The following P2RX7 variants were observed in gnomAD, a reference collection of about 807,000 sequenced individuals.
P2RX7 encodes the protein P2X purinoceptor 7.
P2RX7 carries 62 observed loss-of-function variants against 71.6 expected under a neutral mutation model. That is an observed-to-expected ratio of 0.87 (90% CI 0.71 to 1.07). The LOEUF is 1.07. Among genes scored for constraint, P2RX7 ranks in the 50% least tolerant of loss-of-function variants. The pLI, the probability that P2RX7 is intolerant of heterozygous loss-of-function variation, is 0.00. For missense variants in P2RX7, 686 were observed against 748.5 expected, an observed-to-expected ratio of 0.92 and a Z score of 0.97; for synonymous variants, 299 against 283.3, an observed-to-expected ratio of 1.06 and a Z score of -0.56.
chr12:121,162,955 C>T (rs1375887974), intron 5 of P2RX7, among the ~76,000 whole-genome samples: 2 of 150,820 alleles, frequency 1.3e-5, no homozygotes, highest in African/African-American at 2.5e-5. Flanking sequence ...GAGGAAAAAG[C>T]AAAAGGGGTG....
rs1884928045 is a variant in P2RX7 at position 121,186,726 on chromosome 12, T to G, written c.*1924T>G. On this transcript the variant is annotated 3_prime_UTR_variant, in exon 13 of 13. Transcript: ENST00000328963. ...CTCTACTAAGAATACAAAAATTAGGTGGGTGTGGCGGTGGGCGCCTGTAAT... is the reference window on the plus strand; with the variant it reads ...CTCTACTAAGAATACAAAAATTAGGGGGGTGTGGCGGTGGGCGCCTGTAAT... The G allele has an allele frequency of 6.6e-6, 1 of 151,724 alleles. No individual in the cohort carries two copies. Among genetic ancestry groups the G allele is most frequent in the Non-Finnish European group, 1.5e-5 (1 of 67,966 alleles). The allele number at this position is 151,724 out of a possible 1,614,324, so 9.4% of individuals were successfully genotyped here.
intron 11 of P2RX7, among the ~76,000 whole-genome samples, chr12:121,178,360 T>A (rs760101031): frequency 9.2e-5 from 14 of 152,206 alleles, no homozygotes; most frequent in Non-Finnish European, 1.8e-4. Flanking sequence ...ATGAGATAGA[T>A]AATAATAATG....
intron 1 of P2RX7, among the ~76,000 whole-genome samples, chr12:121,147,250 C>T (rs539158815): frequency 1.3e-5 from 2 of 152,354 alleles, no homozygotes; most frequent in African/African-American, 4.8e-5. Flanking sequence ...AAGCTTCTCA[C>T]TTCATTCATG....
Position 121,136,023 on chromosome 12 carries a change from A to AAAAAAAAAAAAATATATAT in P2RX7, c.125+2929_125+2930insAAAAAAAAAAATATATATA. Among the ~76,000 whole-genome samples, 121 of 15,232 alleles carry AAAAAAAAAAAAATATATAT rather than the reference A, an allele frequency of 7.9e-3. 8 individuals are homozygous for AAAAAAAAAAAAATATATAT. The highest frequency in any genetic ancestry group is 0.012 in the East Asian group (3 of 254). The allele number at this position is 15,232 out of a possible 152,430, so 10.0% of individuals were successfully genotyped here. A position where few individuals can be genotyped will look rare whatever the true frequency, so the allele number is the denominator to read the frequency against. ...TGTCTCAAAAAAAAAAAAAAAAAAA[A>AAAAAAAAAAAAATATATAT]ATATATATATATATATATAGTATTT... On this transcript the variant is annotated intron_variant, in intron 1 of 12. Transcript: ENST00000328963.
chr12:121,163,358 G>GCACACACGCA (rs1491129143), intron 5 of P2RX7, among the ~76,000 whole-genome samples: 2,450 of 100,516 alleles, frequency 0.024, 27 homozygotes, highest in Non-Finnish European at 0.04. Flanking sequence ...ACACACACAC[G>GCACACACGCA]CACACACACA....
intron 8 of P2RX7, among the ~76,000 whole-genome samples, chr12:121,170,259 G>T (rs544445377): frequency 6.6e-6 from 1 of 152,212 alleles, no homozygotes; most frequent in Non-Finnish European, 1.5e-5. Flanking sequence ...GCCCTTCCAG[G>T]GTGTTTTTTT....
intron 12 of P2RX7, among the ~76,000 whole-genome samples, chr12:121,181,057 C>A (rs1436105390): frequency 6.6e-6 from 1 of 152,192 alleles, no homozygotes; most frequent in Non-Finnish European, 1.5e-5. Context: ...CCCACCTCAG[C>A]TGTACCAAGC....
At chr12:121,141,841 A>T (rs1024124830) in intron 1 of P2RX7, among the ~76,000 whole-genome samples, 1 of 152,012 alleles carries the variant, frequency 6.6e-6, no homozygotes, top group African/African-American at 2.4e-5. Context: ...TTTAGGGAAC[A>T]CTCTGTGTTA....
At chr12:121,175,544 G>A in intron 9 of P2RX7, 66 bp downstream of exon 9, 1 of 783,826 alleles carries the variant, frequency 1.3e-6, no homozygotes, top group Non-Finnish European at 2.4e-6. Flanking sequence ...CTGCTGTGGG[G>A]CCTCCATGGA....
intron 8 of P2RX7, among the ~76,000 whole-genome samples, chr12:121,168,136 C>T (rs1238142173): frequency 1.3e-5 from 2 of 151,416 alleles, no homozygotes; most frequent in African/African-American, 4.8e-5. Context: ...ATATATATAT[C>T]TTGTGGTATT....
chr12:121,167,029 G>A (rs929150505), intron 7 of P2RX7, among the ~76,000 whole-genome samples: 14 of 149,406 alleles, frequency 9.4e-5, no homozygotes, highest in Non-Finnish European at 1.5e-4. Flanking sequence ...TCCAGCCTAG[G>A]TGACAAGAGC....
intron 1 of P2RX7, among the ~76,000 whole-genome samples, chr12:121,138,768 A>C (rs751167939): frequency 2.0e-5 from 3 of 152,048 alleles, no homozygotes; most frequent in Non-Finnish European, 4.4e-5. Flanking sequence ...CTGACCCCCT[A>C]TTCTTACCTC....
intron 2 of P2RX7, 50 bp from the exon 3 acceptor site, chr12:121,156,029 A>T: frequency 6.9e-7 from 1 of 1,450,344 alleles, no homozygotes; most frequent in Non-Finnish European, 9.7e-7. Context: ...ATAATTAAGT[A>T]GTTCTCTTTT....
At chr12:121,142,132 G>A (rs1257743443) in intron 1 of P2RX7, among the ~76,000 whole-genome samples, 3 of 152,192 alleles carry the variant, frequency 2.0e-5, no homozygotes, top group South Asian at 2.1e-4. Context: ...ATGGAATGAG[G>A]GGTGTCTGAG....
At chr12:121,137,145 A>G (rs1237310724) in intron 1 of P2RX7, among the ~76,000 whole-genome samples, 3 of 152,368 alleles carry the variant, frequency 2.0e-5, no homozygotes, top group Non-Finnish European at 4.4e-5. Flanking sequence ...GCAATGATTC[A>G]GCAACCGGGT....
Position 121,184,735 on chromosome 12 carries a change from G to A in P2RX7, c.1721G>A (p.Arg574His), listed in dbSNP as rs201822797. 3.7e-5 allele frequency: 57 copies of A among 1,558,074 alleles called. No homozygotes were observed. Among genetic ancestry groups the A allele is most frequent in the Admixed American group, 2.5e-4 (13 of 51,812 alleles). Residue 574 changes from arginine to histidine, a missense_variant, in exon 13 of 13, where the codon CGC becomes CAC. Coordinates refer to ENST00000328963, the MANE Select transcript of P2RX7 (RefSeq NM_002562.6). ...TTTGCCATCCTGCCCAGCTGCTGCC[G>A]CTGGAGGATCCGGAAAGAGTTTCCG... ...ADFAILPSCCRWRIRKEFPKS... is the reference protein window; with the variant it reads ...ADFAILPSCCHWRIRKEFPKS...
intron 8 of P2RX7, among the ~76,000 whole-genome samples, chr12:121,168,990 A>C (rs925391436): frequency 4.6e-5 from 7 of 151,974 alleles, no homozygotes; most frequent in Admixed American, 2.6e-4. Flanking sequence ...TCTGAGACAG[A>C]GTCTCACTCT....
rs1885002381 is a variant in P2RX7 at position 121,187,571 on chromosome 12, GGA to G, written c.*2771_*2772del. On this transcript the variant is annotated 3_prime_UTR_variant, in exon 13 of 13. Coordinates refer to ENST00000328963, the MANE Select transcript of P2RX7 (RefSeq NM_002562.6). ...CTATCACCTTAATGAGGCCGCAGAT[GGA>G]GTCAGAATGTGAAATTACAAATAAT... 1.3e-5 allele frequency: 2 copies of G among 152,244 alleles called. No individual in the cohort carries two copies. The highest frequency in any genetic ancestry group is 2.9e-5 in the Non-Finnish European group (2 of 68,022). 9.4% of individuals were successfully genotyped at this position (152,244 alleles called of 1,614,324 possible).
At chr12:121,159,417 C>CAAAAAAA (rs397850013) in intron 3 of P2RX7, among the ~76,000 whole-genome samples, 2 of 65,746 alleles carry the variant, frequency 3.0e-5, no homozygotes, top group African/African-American at 6.0e-5. Context: ...ACTCTGTCTC[C>CAAAAAAA]AAAAAAAAAA....
Sources: gnomAD v4.1 joint callset for allele counts (sites outside exome capture counted in the v4.1 genomes callset) on GRCh38, gnomAD v4.1.1 for gene constraint, MANE v1.5 for transcripts, NCBI Gene and HGNC (gene_info 2026-07-23, HGNC 2026-07-21) for gene names.